The following COX7B2 variants were observed in gnomAD, a reference collection of about 807,000 sequenced individuals.
COX7B2 encodes cytochrome c oxidase subunit 7B2, mitochondrial.
For synonymous variants in COX7B2, 37 were observed against 32.1 expected, an observed-to-expected ratio of 1.15 and a Z score of -0.51; for missense variants, 109 against 95.9, an observed-to-expected ratio of 1.14 and a Z score of -0.57.
At chr4:46,895,999 A>G (rs534098946) in intron 1 of COX7B2, among the ~76,000 whole-genome samples, 1 of 152,286 alleles carries the variant, frequency 6.6e-6, no homozygotes, top group Admixed American at 6.5e-5. Flanking sequence ...AGGGGAGAGG[A>G]AAACCAAGGA....
chr4:46,738,798 CA>C (rs1350946165), intron 2 of COX7B2, among the ~76,000 whole-genome samples: 1 of 152,024 alleles, frequency 6.6e-6, no homozygotes, highest in Non-Finnish European at 1.5e-5. Context: ...TAGAGGAAGA[CA>C]GATTTCTCTA....
chr4:46,801,786 C>T (rs927368706), intron 2 of COX7B2, among the ~76,000 whole-genome samples: 2 of 152,124 alleles, frequency 1.3e-5, no homozygotes, highest in African/African-American at 4.8e-5. Flanking sequence ...AATACTTTAT[C>T]ACTTCTTTTT....
intron 2 of COX7B2, among the ~76,000 whole-genome samples, chr4:46,841,246 T>C (rs1004462598): frequency 4.6e-5 from 7 of 151,948 alleles, no homozygotes; most frequent in African/African-American, 1.7e-4. Context: ...ACTATTCCAA[T>C]TGTTCAAAGT....
At chr4:46,745,291 TC>T (rs1560347737) in intron 2 of COX7B2, among the ~76,000 whole-genome samples, 1 of 152,174 alleles carries the variant, frequency 6.6e-6, no homozygotes, top group African/African-American at 2.4e-5. Context: ...TGTTAATTAA[TC>T]TTTTTATGAA....
intron 2 of COX7B2, among the ~76,000 whole-genome samples, chr4:46,780,825 G>T (rs1237261083): frequency 6.6e-6 from 1 of 152,086 alleles, no homozygotes; most frequent in Non-Finnish European, 1.5e-5. Flanking sequence ...ATTTGGCCTT[G>T]CTCCATACTC....
chr4:46,873,535 A>G (rs1718135888), intron 1 of COX7B2, among the ~76,000 whole-genome samples: 1 of 152,048 alleles, frequency 6.6e-6, no homozygotes, highest in East Asian at 1.9e-4. Context: ...ATGGTATCTC[A>G]TTGTGGTTTT....
chr4:46,804,208 G>A lies in COX7B2; in HGVS notation c.-50+40752C>T, dbSNP rs183229135. 2.7e-3 allele frequency among the ~76,000 whole-genome samples: 416 copies of A among 152,204 alleles called. 2 individuals are homozygous for A. Among genetic ancestry groups the A allele is most frequent in the Middle Eastern group, 0.01 (3 of 294 alleles). Reference sequence around the variant, plus strand: ...CAAGAGTGAAGCCGCAGACCTTCACGGTGAGTGTTACAGCTCATAAAGGTA... The same window carrying A: ...CAAGAGTGAAGCCGCAGACCTTCACAGTGAGTGTTACAGCTCATAAAGGTA... On this transcript the variant is annotated intron_variant, in intron 2 of 2. Coordinates refer to ENST00000355591, the MANE Select transcript of COX7B2 (RefSeq NM_130902.3).
At chr4:46,797,403 C>A (rs1365247379) in intron 2 of COX7B2, among the ~76,000 whole-genome samples, 2 of 152,176 alleles carry the variant, frequency 1.3e-5, no homozygotes, top group Non-Finnish European at 2.9e-5. Context: ...GTCTGTCCCA[C>A]TGTGGGCTCA....
At chr4:46,747,298 T>TTTTATTTTATTTTATTTTA (rs151135112) in intron 2 of COX7B2, among the ~76,000 whole-genome samples, 23,737 of 149,188 alleles carry the variant, frequency 0.16, 2,408 homozygotes, top group Admixed American at 0.29. Flanking sequence ...TTTTATTTTA[T>TTTTATTTTATTTTATTTTA]TTTATTTTAT....
chr4:46,869,220 T>C (rs913153001), intron 1 of COX7B2, among the ~76,000 whole-genome samples: 12 of 152,206 alleles, frequency 7.9e-5, no homozygotes, highest in Non-Finnish European at 1.5e-4. Flanking sequence ...TCTGTTTGCT[T>C]GGTAGATTTT....
At chr4:46,763,725 T>C (rs1303466295) in intron 2 of COX7B2, among the ~76,000 whole-genome samples, 1 of 152,178 alleles carries the variant, frequency 6.6e-6, no homozygotes, top group Non-Finnish European at 1.5e-5. Context: ...AAGGTTTTGA[T>C]TAATGGACTA....
At chr4:46,769,778 AT>A (rs1716765289) in intron 2 of COX7B2, among the ~76,000 whole-genome samples, 1 of 152,212 alleles carries the variant, frequency 6.6e-6, no homozygotes, top group Admixed American at 6.5e-5. Flanking sequence ...GCAGAAAAAA[AT>A]TTTGACAAAT....
Position 46,868,836 on chromosome 4 carries a change from T to C in COX7B2, c.-104-23822A>G, listed in dbSNP as rs76334353. Among the ~76,000 whole-genome samples, 373 of 152,330 alleles carry C rather than the reference T, an allele frequency of 2.4e-3. 1 individual carries two copies. Among genetic ancestry groups the C allele is most frequent in the Admixed American group, 4.5e-3 (69 of 15,298 alleles). ...AAGTGGCATGTGGCAATGAGAAGAATGTGTATTCTGTTGGTTTTTGGTGGA... is the reference window on the plus strand; with the variant it reads ...AAGTGGCATGTGGCAATGAGAAGAACGTGTATTCTGTTGGTTTTTGGTGGA... On this transcript the variant is annotated intron_variant, in intron 1 of 2. Coordinates refer to ENST00000355591, the MANE Select transcript of COX7B2 (RefSeq NM_130902.3).
intron 1 of COX7B2, among the ~76,000 whole-genome samples, chr4:46,895,555 C>T (rs1038081524): frequency 5.9e-5 from 9 of 151,950 alleles, no homozygotes; most frequent in African/African-American, 1.9e-4. Flanking sequence ...GGCTTAGTAC[C>T]CGAGTGACAA....
chr4:46,763,055 TG>T (rs1716298517), intron 2 of COX7B2, among the ~76,000 whole-genome samples: 1 of 133,960 alleles, frequency 7.5e-6, no homozygotes, highest in African/African-American at 2.8e-5. Flanking sequence ...TATTATAATA[TG>T]TAATATATAT....
intron 2 of COX7B2, among the ~76,000 whole-genome samples, chr4:46,815,654 A>T (rs548690008): frequency 2.7e-5 from 4 of 149,198 alleles, no homozygotes; most frequent in East Asian, 2.0e-4. Flanking sequence ...TTAAGAACTT[A>T]AAAAAAAAAG....
chr4:46,801,660 C>A (rs1192322541), intron 2 of COX7B2, among the ~76,000 whole-genome samples: 1 of 152,026 alleles, frequency 6.6e-6, no homozygotes, highest in Non-Finnish European at 1.5e-5. Flanking sequence ...AAACCAGATC[C>A]CAGCAACATA....
At chr4:46,883,887 A>G (rs1464871615) in intron 1 of COX7B2, among the ~76,000 whole-genome samples, 1 of 152,154 alleles carries the variant, frequency 6.6e-6, no homozygotes, top group African/African-American at 2.4e-5. Context: ...TTCTCCTTAT[A>G]AATCATCCTG....
chr4:46,742,139 A>T (rs1368797569), intron 2 of COX7B2, among the ~76,000 whole-genome samples: 3 of 152,174 alleles, frequency 2.0e-5, no homozygotes, highest in Non-Finnish European at 2.9e-5. Context: ...GTTAGTCAAA[A>T]GAAACATTTG....
Sources: gnomAD v4.1 joint callset for allele counts (sites outside exome capture counted in the v4.1 genomes callset) on GRCh38, gnomAD v4.1.1 for gene constraint, MANE v1.5 for transcripts, NCBI Gene and HGNC (gene_info 2026-07-23, HGNC 2026-07-21) for gene names.